EEF1G: variants seen among roughly 807,000 people sequenced by gnomAD.
EEF1G encodes elongation factor 1-gamma.
A neutral mutation model predicts 58.3 loss-of-function variants in EEF1G; 14 were observed. That is an observed-to-expected ratio of 0.24 (90% CI 0.16 to 0.38). The LOEUF (loss-of-function observed/expected upper bound fraction) is 0.38, where lower values mean the gene tolerates loss of function less well. Ranked by LOEUF, EEF1G falls within the 10% of genes least tolerant of loss-of-function variation. The probability of loss-of-function intolerance (pLI) is 1.00; values close to 1 mark genes in which losing one functional copy is unlikely to be tolerated. For synonymous variants in EEF1G, 180 were observed against 206.8 expected (o/e 0.87, Z 1.11); for missense variants, 322 against 550.1 (o/e 0.59, Z 4.15).
At chr11:62,564,542 C>T (rs952828548) in intron 7 of EEF1G, among the ~76,000 whole-genome samples, 2 of 151,198 alleles carry the variant, frequency 1.3e-5, no homozygotes, top group Non-Finnish European at 2.9e-5. Context: ...ACGGGCGGAT[C>T]ACGAGGTCAG....
At chr11:62,571,501 AC>A in intron 4 of EEF1G, 38 bp downstream of exon 4, 2 of 1,565,358 alleles carry the variant, frequency 1.3e-6, no homozygotes, top group Non-Finnish European at 1.7e-6. Flanking sequence ...AGCTGATGCC[AC>A]CCCTGCCCCT....
chr11:62,572,934 A>C, intron 1 of EEF1G, 192 bp from the exon 2 acceptor site: 1 of 472,058 alleles, frequency 2.1e-6, no homozygotes, highest in Non-Finnish European at 3.7e-6. Flanking sequence ...AGAACTACAC[A>C]CCAACTGCTA....
chr11:62,560,832 C>G (rs150906725), intron 7 of EEF1G, among the ~76,000 whole-genome samples: 3 of 152,200 alleles, frequency 2.0e-5, no homozygotes, highest in Non-Finnish European at 2.9e-5. Flanking sequence ...TCTTCCCCCC[C>G]ACCATACAGG....
chr11:62,565,614 A>C (rs1941546965), intron 7 of EEF1G, among the ~76,000 whole-genome samples: 1 of 152,238 alleles, frequency 6.6e-6, no homozygotes, highest in African/African-American at 2.4e-5. Context: ...GTTACAACAC[A>C]ATATGTAATT....
chr11:62,571,699 C>G lies in EEF1G; in HGVS notation c.236-17G>C, dbSNP rs372189710. Reference sequence around the variant, plus strand: ...CATTGCTCACTGCAGAGGCAGAACACGAAGGTCAGAACTCTGGGGGAATGC... The same window carrying G: ...CATTGCTCACTGCAGAGGCAGAACAGGAAGGTCAGAACTCTGGGGGAATGC... On this transcript the variant is annotated splice_polypyrimidine_tract_variant and intron_variant, in intron 3 of 9. Transcript: ENST00000329251. The G allele has an allele frequency of 2.5e-6, 4 of 1,582,172 alleles. No individual in the cohort carries two copies. The East Asian group carries it at 9.3e-5, about 37-fold the overall frequency.
At position 62,573,837 on chromosome 11, in the gene EEF1G, C is replaced by T. The variant is rs1254855094; in HGVS notation, c.6G>A (p.Ala2=). 2 of 1,613,762 alleles carry T rather than the reference C, an allele frequency of 1.2e-6. No individual in the cohort carries two copies. Among genetic ancestry groups the T allele is most frequent in the East Asian group, 2.2e-5 (1 of 44,890 alleles). ...CCAGAGCCAGCAAACTTACCCCAGC[C>T]GCCATGGTGATTCCGCAAAGAAAGG... M[A]AGTLYTYPEN... Residue 2 remains alanine, a synonymous_variant, in exon 1 of 10, where the codon GCG becomes GCA. Coordinates refer to ENST00000329251, the MANE Select transcript of EEF1G (RefSeq NM_001404.5).
intron 7 of EEF1G, 48 bp downstream of exon 7, chr11:62,566,758 G>A (rs779063288): frequency 1.3e-6 from 2 of 1,578,338 alleles, no homozygotes; most frequent in East Asian, 2.2e-5. Flanking sequence ...ACAGAGGTGA[G>A]AACAGGCCTT....
intron 6 of EEF1G, 85 bp from the exon 7 acceptor site, chr11:62,567,095 C>G: frequency 7.0e-7 from 1 of 1,430,024 alleles, no homozygotes; most frequent in Non-Finnish European, 9.7e-7. Context: ...AGCAAGGTAA[C>G]AGAGGAAACT....
At chr11:62,567,766 G>A (rs1941574445) in intron 5 of EEF1G, among the ~76,000 whole-genome samples, 1 of 150,652 alleles carries the variant, frequency 6.6e-6, no homozygotes, top group East Asian at 2.0e-4. Flanking sequence ...GTGCAATGGC[G>A]TGATCTCAGC....
At chr11:62,560,230 C>G (rs772504935) in intron 8 of EEF1G, 37 bp from the exon 9 acceptor site, 1 of 1,613,972 alleles carries the variant, frequency 6.2e-7, no homozygotes, top group Non-Finnish European at 8.5e-7. Flanking sequence ...CCTTTGGAAT[C>G]ACAGCACTTG....
Position 62,564,528 on chromosome 11 carries a change from G to A in EEF1G, c.857+2278C>T, listed in dbSNP as rs532347569. Reference sequence around the variant, plus strand: ...CTGTAATCCCAGCACTTTGGGAGGCGGAGACGGGCGGATCACGAGGTCAGG... The same window carrying A: ...CTGTAATCCCAGCACTTTGGGAGGCAGAGACGGGCGGATCACGAGGTCAGG... On this transcript the variant is annotated intron_variant, in intron 7 of 9. Coordinates refer to ENST00000329251, the MANE Select transcript of EEF1G (RefSeq NM_001404.5). 2.4e-3 allele frequency among the ~76,000 whole-genome samples: 357 copies of A among 149,962 alleles called. 2 individuals carry two copies. Among genetic ancestry groups the A allele is most frequent in the Non-Finnish European group, 3.4e-3 (233 of 67,594 alleles).
chr11:62,573,794 AT>A (rs1357117029), intron 1 of EEF1G, 36 bp downstream of exon 1: 1 of 1,613,368 alleles, frequency 6.2e-7, no homozygotes, highest in East Asian at 2.2e-5. Flanking sequence ...ATGGCGGTGG[AT>A]AGGATGACCC....
intron 7 of EEF1G, among the ~76,000 whole-genome samples, chr11:62,566,139 G>A (rs553767129): frequency 6.6e-6 from 1 of 152,140 alleles, no homozygotes; most frequent in Non-Finnish European, 1.5e-5. Context: ...AGAGAACTGG[G>A]CAAGCACTCA....
rs1555043060 is a variant in EEF1G, at chr11:62,564,782, A to AG, written c.857+2023dup. On this transcript the variant is annotated intron_variant, in intron 7 of 9. Coordinates refer to ENST00000329251, the MANE Select transcript of EEF1G (RefSeq NM_001404.5). ...TCAAAAAAAAAAAAAAAAAAAAAAAAGGGGGCCAGGCACGGTAGCTCACAC... is the reference window on the plus strand; with the variant it reads ...TCAAAAAAAAAAAAAAAAAAAAAAAAGGGGGGCCAGGCACGGTAGCTCACAC... Among the ~76,000 whole-genome samples, 312 of 141,906 alleles carry AG rather than the reference A, an allele frequency of 2.2e-3. 6 individuals carry two copies. Among genetic ancestry groups the AG allele is most frequent in the Non-Finnish European group, 3.0e-3 (194 of 64,758 alleles). The allele number at this position is 141,906 out of a possible 152,430, so 93.1% of individuals were successfully genotyped here.
chr11:62,566,640 AT>A (rs1301804540), intron 7 of EEF1G, among the ~76,000 whole-genome samples, 165 bp downstream of exon 7: 1 of 152,238 alleles, frequency 6.6e-6, no homozygotes, highest in African/African-American at 2.4e-5. Flanking sequence ...AATTTGCCCA[AT>A]TCCTGATTAT....
chr11:62,561,267 G>T (rs967081340), intron 7 of EEF1G, among the ~76,000 whole-genome samples: 6 of 152,086 alleles, frequency 3.9e-5, no homozygotes, highest in African/African-American at 1.2e-4. Context: ...TTAGCTGGGC[G>T]TGGTGGCAGG....
At chr11:62,566,061 T>C (rs1054833076) in intron 7 of EEF1G, among the ~76,000 whole-genome samples, 16 of 152,124 alleles carry the variant, frequency 1.1e-4, no homozygotes, top group African/African-American at 3.9e-4. Flanking sequence ...ACAGAATATA[T>C]ATTTCTCAAA....
At chr11:62,571,189 C>T (rs1941626560) in intron 4 of EEF1G, 81 bp from the exon 5 acceptor site, 2 of 1,589,058 alleles carry the variant, frequency 1.3e-6, no homozygotes, top group Non-Finnish European at 1.7e-6. Context: ...ACTAAGAGGG[C>T]TATTTTCACC....
In EEF1G at chr11:62,559,841, G is replaced by A. The variant is rs748106702; in HGVS notation, c.1156-4C>T. ...CCACCTGCCAATCTGGACTCAGCTG[G>A]GGATAAAAAGCCAGCATGTGGTCAA... On this transcript the variant is annotated splice_region_variant and splice_polypyrimidine_tract_variant and intron_variant, in intron 9 of 9. Coordinates refer to ENST00000329251, the MANE Select transcript of EEF1G (RefSeq NM_001404.5). 24 of 1,613,776 alleles carry A rather than the reference G, an allele frequency of 1.5e-5. No homozygotes were observed. In the Admixed American group the frequency reaches 3.5e-4, roughly 24 times the overall value.
Sources: allele counts gnomAD v4.1 joint callset (sites outside exome capture counted in the v4.1 genomes callset), GRCh38; gene constraint gnomAD v4.1.1; transcripts MANE v1.5; gene names NCBI Gene and HGNC (gene_info 2026-07-23, HGNC 2026-07-21).